LRRIQ4: variants seen among roughly 807,000 people sequenced by gnomAD.
LRRIQ4 encodes leucine-rich repeat and IQ domain-containing protein 4.
LRRIQ4 carries 21 observed loss-of-function variants against 40.1 expected under a neutral mutation model. That is an observed-to-expected ratio of 0.52 (90% CI 0.37 to 0.75). The LOEUF is 0.75. Ranked by LOEUF, LRRIQ4 falls within the 30% of genes least tolerant of loss-of-function variation. LRRIQ4 has a pLI of 0.00. For synonymous variants in LRRIQ4, 277 were observed against 277.1 expected (o/e 1.00, Z 0.00); for missense variants, 655 against 660.0 (o/e 0.99, Z 0.08).
At chr3:169,827,018 C>T (rs563545011) in intron 2 of LRRIQ4, among the ~76,000 whole-genome samples, 2 of 152,278 alleles carry the variant, frequency 1.3e-5, no homozygotes, top group Admixed American at 6.5e-5. Flanking sequence ...CTGTAAGTGA[C>T]CCATTCACCA....
At chr3:169,832,921 G>A in intron 4 of LRRIQ4, 66 bp from the exon 5 acceptor site, 1 of 1,393,078 alleles carries the variant, frequency 7.2e-7, no homozygotes, top group Non-Finnish European at 1.0e-6. Context: ...ATGTGGACAG[G>A]ATTAGGTGAC....
intron 1 of LRRIQ4, among the ~76,000 whole-genome samples, chr3:169,819,388 T>C (rs976311199): frequency 1.3e-5 from 2 of 152,230 alleles, no homozygotes; most frequent in Admixed American, 1.3e-4. Context: ...GGTCTTATTA[T>C]GGAGAAAGAT....
At chr3:169,822,997 TA>T in intron 2 of LRRIQ4, 56 bp downstream of exon 2, 1 of 1,429,000 alleles carries the variant, frequency 7.0e-7, no homozygotes, top group Non-Finnish European at 9.2e-7. Context: ...CTTCCTGCCC[TA>T]AGTTGGTTCT....
chr3:169,833,680 A>G (rs1326648134), intron 5 of LRRIQ4, among the ~76,000 whole-genome samples: 1 of 152,212 alleles, frequency 6.6e-6, no homozygotes, highest in African/African-American at 2.4e-5. Flanking sequence ...CACTTCAGCC[A>G]GTGTTCTTTA....
intron 1 of LRRIQ4, among the ~76,000 whole-genome samples, chr3:169,816,397 T>C (rs948287396): frequency 5.9e-5 from 9 of 152,258 alleles, no homozygotes; most frequent in African/African-American, 2.2e-4. Flanking sequence ...GTAAATGGTA[T>C]ATATCTAGGA....
At chr3:169,816,571 C>G (rs1428746946) in intron 1 of LRRIQ4, among the ~76,000 whole-genome samples, 1 of 151,380 alleles carries the variant, frequency 6.6e-6, no homozygotes, top group Admixed American at 6.6e-5. Flanking sequence ...TTTTATTCAT[C>G]TTTTCAAAAA....
At chr3:169,837,370 C>A (rs1780329173) in intron 5 of LRRIQ4, 109 bp from the exon 6 acceptor site, 1 of 1,197,102 alleles carries the variant, frequency 8.4e-7, no homozygotes, top group South Asian at 1.6e-5. Flanking sequence ...CTAATCACAT[C>A]CCATTCTCTC....
rs573407309 is a variant in LRRIQ4 at position 169,837,287 on chromosome 3, A to G, written c.1531-192A>G. On this transcript the variant is annotated intron_variant, in intron 5 of 5. Transcript: ENST00000340806. The stretch of plus-strand genomic sequence containing the variant: ...GAACAGGCACTGGCACATAAAAACA[A>G]TAAATGCATTTTTTAAAAAATTTGT... Among the ~76,000 whole-genome samples the G allele has an allele frequency of 3.5e-4, 53 of 152,382 alleles. No homozygotes were observed. In the South Asian group the frequency reaches 9.3e-3, roughly 27 times the overall value.
chr3:169,834,981 T>C (rs1576772560), intron 5 of LRRIQ4, among the ~76,000 whole-genome samples: 1 of 152,162 alleles, frequency 6.6e-6, no homozygotes, highest in African/African-American at 2.4e-5. Context: ...AGGGTTTTTT[T>C]AGCATAGTTT....
At position 169,822,078 on chromosome 3, in the gene LRRIQ4, G is replaced by C. The variant is rs1779905624; in HGVS notation, c.157G>C (p.Val53Leu). Residue 53 changes from valine (V) to leucine (L), a missense_variant, in exon 2 of 6, where the codon GTG (valine) becomes CTG (leucine). By Grantham distance (32) the Val-to-Leu change is conservative (BLOSUM62 1). Transcript: ENST00000340806. Reference sequence around the variant, plus strand: ...CTTCACATTCACAGAATTAGAAGAAGTGCATTTGGAGAATAACCAGATTGA... The same window carrying C: ...CTTCACATTCACAGAATTAGAAGAACTGCATTTGGAGAATAACCAGATTGA... Reference protein sequence around the residue: ...EIFTFTELEEVHLENNQIEEI... With the variant: ...EIFTFTELEELHLENNQIEEI... 1 of 1,607,658 alleles carries C rather than the reference G, an allele frequency of 6.2e-7. No individual in the cohort carries two copies. Among genetic ancestry groups the C allele is most frequent in the Non-Finnish European group, 8.5e-7 (1 of 1,178,414 alleles).
In LRRIQ4 at chr3:169,822,453, G is replaced by C. The variant is rs1246435297; in HGVS notation, c.532G>C (p.Glu178Gln). The C allele has an allele frequency of 6.2e-7, 1 of 1,613,994 alleles. No individual in the cohort carries two copies. Among genetic ancestry groups the C allele is most frequent in the Admixed American group, 1.7e-5 (1 of 60,018 alleles). Residue 178 changes from glutamate to glutamine, a missense_variant, in exon 2 of 6, where the codon GAA becomes CAA. Transcript: ENST00000340806. ...GATCTACCTGAAGCGAAACCAGTTT[G>C]AAGTTTTCCCCCAGGAGCTCTGTGT... ...REIYLKRNQF[E>Q]VFPQELCVLY...
At position 169,821,979 on chromosome 3, in the gene LRRIQ4, CCACAGCACGT is replaced by C; in HGVS notation, c.61_70del (p.Gln21MetfsTer14). On this transcript the variant is annotated frameshift_variant, in exon 2 of 6. Transcript: ENST00000340806. LOFTEE classifies it high-confidence loss of function. Reference sequence around the variant, plus strand: ...ACCTAAAATTCATCAGAGAAATGATCCACAGCACGTCAATGATAGAACATTTTTCATTGAT... The same window carrying C: ...ACCTAAAATTCATCAGAGAAATGATCCAATGATAGAACATTTTTCATTGAT... The C allele has an allele frequency of 6.5e-7, 1 of 1,531,868 alleles. No individual in the cohort carries two copies. The allele number at this position is 1,531,868 out of a possible 1,614,324, so 94.9% of individuals were successfully genotyped here.
chr3:169,827,329 C>T (rs568891805), intron 2 of LRRIQ4, among the ~76,000 whole-genome samples: 2 of 152,018 alleles, frequency 1.3e-5, no homozygotes, highest in East Asian at 1.9e-4. Context: ...ATTTTTTCGC[C>T]GGGTGCGGTG....
intron 5 of LRRIQ4, among the ~76,000 whole-genome samples, chr3:169,834,114 C>A (rs142603582): frequency 8.5e-5 from 13 of 152,200 alleles, no homozygotes; most frequent in Non-Finnish European, 1.6e-4. Flanking sequence ...GTAATCCCAG[C>A]ACTTTGGGAG....
intron 4 of LRRIQ4, 137 bp downstream of exon 4, chr3:169,830,767 C>A: frequency 9.3e-7 from 1 of 1,075,224 alleles, no homozygotes; most frequent in Non-Finnish European, 1.3e-6. Flanking sequence ...CCTTGCAGGG[C>A]TCACTTAGCG....
At chr3:169,818,225 A>G (rs905381870) in intron 1 of LRRIQ4, among the ~76,000 whole-genome samples, 2 of 152,118 alleles carry the variant, frequency 1.3e-5, no homozygotes, top group African/African-American at 4.8e-5. Context: ...TCTGTGCCAC[A>G]TGGCTGCTCT....
Position 169,828,756 on chromosome 3 carries a change from T to C in LRRIQ4, c.1021-3T>C. 6.2e-7 allele frequency: 1 copy of C among 1,610,162 alleles called. No homozygotes were observed. The highest frequency in any genetic ancestry group is 8.5e-7 in the Non-Finnish European group (1 of 1,178,848). ...GAAACTTATCTTTTTGGAATACTTCTAGTTACCTTCAGAATTGGGCTCACT... is the reference window on the plus strand; with the variant it reads ...GAAACTTATCTTTTTGGAATACTTCCAGTTACCTTCAGAATTGGGCTCACT... On this transcript the variant is annotated splice_polypyrimidine_tract_variant and splice_region_variant and intron_variant, in intron 2 of 5. Coordinates refer to ENST00000340806, the MANE Select transcript of LRRIQ4 (RefSeq NM_001080460.3).
chr3:169,813,470 C>T (rs1779680023), intron 1 of LRRIQ4, among the ~76,000 whole-genome samples: 1 of 152,128 alleles, frequency 6.6e-6, no homozygotes, highest in Admixed American at 6.5e-5. Flanking sequence ...GTTTCCTTAT[C>T]CCCCTTGCAG....
intron 5 of LRRIQ4, 60 bp downstream of exon 5, chr3:169,833,243 A>G: frequency 7.2e-7 from 1 of 1,397,212 alleles, no homozygotes; most frequent in South Asian, 1.3e-5. Context: ...TGGTAAACAC[A>G]GTACAGATTA....
Sources: allele counts gnomAD v4.1 joint callset (sites outside exome capture counted in the v4.1 genomes callset), GRCh38; gene constraint gnomAD v4.1.1; transcripts MANE v1.5; gene names NCBI Gene and HGNC (gene_info 2026-07-23, HGNC 2026-07-21).